The following SLC24A3 variants were observed in gnomAD, a reference collection of about 807,000 sequenced individuals.
SLC24A3 encodes the protein sodium/potassium/calcium exchanger 3.
In SLC24A3, 28 loss-of-function variants were observed where a neutral mutation model predicts 75.8. That is an observed-to-expected ratio of 0.37 (90% CI 0.27 to 0.51). The LOEUF (loss-of-function observed/expected upper bound fraction) is 0.51, where lower values mean the gene tolerates loss of function less well. SLC24A3 is among the 20% of genes least tolerant of loss of function. The probability of loss-of-function intolerance (pLI) is 0.94; values close to 1 mark genes in which losing one functional copy is unlikely to be tolerated. For synonymous variants in SLC24A3, 372 were observed against 334.1 expected (o/e 1.11, Z -1.24); for missense variants, 663 against 847.8 (o/e 0.78, Z 2.71).
chr20:19,585,976 T>C (rs62203266), intron 6 of SLC24A3, among the ~76,000 whole-genome samples: 1 of 152,202 alleles, frequency 6.6e-6, no homozygotes, highest in Non-Finnish European at 1.5e-5. Flanking sequence ...CATGCAGTCA[T>C]CACGGTTTAG....
intron 2 of SLC24A3, among the ~76,000 whole-genome samples, chr20:19,290,279 C>T (rs761199012): frequency 6.6e-6 from 1 of 152,146 alleles, no homozygotes; most frequent in Non-Finnish European, 1.5e-5. Context: ...AAATCTCAGC[C>T]TCTGGGACTG....
chr20:19,213,114 G>T, intron 1 of SLC24A3, 130 bp downstream of exon 1: 1 of 1,042,488 alleles, frequency 9.6e-7, no homozygotes, highest in African/African-American at 1.7e-5. Flanking sequence ...TTGGCGGGGG[G>T]AGTGGGATGC....
chr20:19,626,039 G>A (rs766284314), intron 6 of SLC24A3, among the ~76,000 whole-genome samples: 2 of 151,828 alleles, frequency 1.3e-5, no homozygotes, highest in Admixed American at 6.6e-5. Context: ...CCTGACTATG[G>A]CTTTATAGCC....
At chr20:19,539,070 A>G (rs763664491) in intron 3 of SLC24A3, among the ~76,000 whole-genome samples, 72 of 152,364 alleles carry the variant, frequency 4.7e-4, no homozygotes, top group Admixed American at 4.3e-3. Context: ...CAGTGGTGAT[A>G]GAAGTCAGGA....
At chr20:19,366,247 A>T (rs1417106816) in intron 2 of SLC24A3, among the ~76,000 whole-genome samples, 2 of 152,226 alleles carry the variant, frequency 1.3e-5, no homozygotes, top group African/African-American at 2.4e-5. Flanking sequence ...CAAAACAGGC[A>T]TTATGGCCCC....
chr20:19,704,922 A>G (rs1158020802), intron 15 of SLC24A3, among the ~76,000 whole-genome samples: 1 of 152,136 alleles, frequency 6.6e-6, no homozygotes, highest in Non-Finnish European at 1.5e-5. Context: ...AGATTAGGAA[A>G]CCAAGGCACA....
chr20:19,633,960 G>C (rs181246805), intron 6 of SLC24A3, among the ~76,000 whole-genome samples: 2 of 152,234 alleles, frequency 1.3e-5, no homozygotes, highest in African/African-American at 4.8e-5. Flanking sequence ...GTTTGTAAAG[G>C]AAGTTGTCCA....
intron 2 of SLC24A3, among the ~76,000 whole-genome samples, chr20:19,321,521 A>G (rs1984706257): frequency 6.6e-6 from 1 of 152,202 alleles, no homozygotes; most frequent in Non-Finnish European, 1.5e-5. Context: ...TCAATCTTGG[A>G]AAATCTTAGA....
intron 3 of SLC24A3, among the ~76,000 whole-genome samples, chr20:19,568,331 C>T (rs913532430): frequency 6.6e-6 from 1 of 152,148 alleles, no homozygotes; most frequent in Non-Finnish European, 1.5e-5. Context: ...AATATTGCAT[C>T]ATTCACAACA....
chr20:19,618,515 C>G (rs2031765996), intron 6 of SLC24A3, among the ~76,000 whole-genome samples: 1 of 152,170 alleles, frequency 6.6e-6, no homozygotes, highest in Non-Finnish European at 1.5e-5. Context: ...TTAATTACTT[C>G]TTTAAAGGCC....
At chr20:19,708,390 C>T (rs557287946) in intron 15 of SLC24A3, among the ~76,000 whole-genome samples, 37 of 152,326 alleles carry the variant, frequency 2.4e-4, no homozygotes, top group African/African-American at 8.7e-4. Context: ...TTCTTGATGT[C>T]TCCCACGTCT....
chr20:19,447,635 T>C (rs571985905), intron 2 of SLC24A3, among the ~76,000 whole-genome samples: 4 of 152,216 alleles, frequency 2.6e-5, no homozygotes. Flanking sequence ...TGGAAGTATT[T>C]AGGTTATGCT....
intron 2 of SLC24A3, among the ~76,000 whole-genome samples, chr20:19,412,296 G>A (rs918572112): frequency 6.6e-6 from 1 of 152,098 alleles, no homozygotes; most frequent in African/African-American, 2.4e-5. Context: ...AGACAGAACT[G>A]TAAATTCATG....
intron 6 of SLC24A3, among the ~76,000 whole-genome samples, chr20:19,647,755 G>A (rs1235466281): frequency 6.6e-6 from 1 of 152,170 alleles, no homozygotes; most frequent in Non-Finnish European, 1.5e-5. Flanking sequence ...AGCATCCGTG[G>A]TTATTGTTCA....
intron 9 of SLC24A3, among the ~76,000 whole-genome samples, chr20:19,678,103 A>C (rs1010657674): frequency 4.7e-5 from 7 of 150,536 alleles, no homozygotes; most frequent in Non-Finnish European, 8.9e-5. Context: ...TCCCATGTCT[A>C]CTTCTTTCTA....
intron 2 of SLC24A3, among the ~76,000 whole-genome samples, chr20:19,375,224 C>T (rs1410896403): frequency 6.6e-6 from 1 of 152,196 alleles, no homozygotes; most frequent in Non-Finnish European, 1.5e-5. Context: ...CTCATCTTCT[C>T]TCTGGGCGTA....
At chr20:19,474,108 A>C (rs1266570881) in intron 2 of SLC24A3, among the ~76,000 whole-genome samples, 2 of 152,208 alleles carry the variant, frequency 1.3e-5, no homozygotes, top group Non-Finnish European at 2.9e-5. Context: ...TGTCAGCCGC[A>C]GTGGCAATTC....
At chr20:19,494,457 A>C (rs553877412) in intron 2 of SLC24A3, among the ~76,000 whole-genome samples, 1 of 152,194 alleles carries the variant, frequency 6.6e-6, no homozygotes, top group East Asian at 1.9e-4. Context: ...TAATGAAATC[A>C]TCTGGGAAAC....
intron 2 of SLC24A3, among the ~76,000 whole-genome samples, chr20:19,305,115 A>C (rs1225274116): frequency 6.6e-6 from 1 of 152,080 alleles, no homozygotes; most frequent in Non-Finnish European, 1.5e-5. Flanking sequence ...AAGGGCCCTG[A>C]GGGATGAGTG....
Sources: allele counts gnomAD v4.1 joint callset (sites outside exome capture counted in the v4.1 genomes callset), GRCh38; gene constraint gnomAD v4.1.1; transcripts MANE v1.5; gene names NCBI Gene and HGNC (gene_info 2026-07-23, HGNC 2026-07-21).